The following DISP1 variants were observed in gnomAD, a reference collection of about 807,000 sequenced individuals.
The protein encoded by DISP1 is protein dispatched homolog 1.
A neutral mutation model predicts 37.3 loss-of-function variants in DISP1; 30 were observed. The ratio of observed to expected loss-of-function variants is 0.80; its 90% CI spans 0.60 to 1.09. The LOEUF (loss-of-function observed/expected upper bound fraction) is 1.09, where lower values mean the gene tolerates loss of function less well. DISP1 is among the 50% of genes least tolerant of loss of function. The pLI is 0.00. For synonymous variants in DISP1, 634 were observed against 690.2 expected, an observed-to-expected ratio of 0.92 and a Z score of 1.28; for missense variants, 1,598 against 1,879.5, an observed-to-expected ratio of 0.85 and a Z score of 2.77.
At chr1:222,991,686 A>G in intron 6 of DISP1, 39 bp downstream of exon 6, 1 of 1,587,444 alleles carries the variant, frequency 6.3e-7, no homozygotes, top group Non-Finnish European at 8.6e-7. Context: ...TTTAGACAAA[A>G]CATTGCTGAA....
At chr1:222,981,292 AT>A (rs1677815769) in intron 3 of DISP1, among the ~76,000 whole-genome samples, 1 of 109,280 alleles carries the variant, frequency 9.2e-6, no homozygotes, top group African/African-American at 3.2e-5. Context: ...CAGCTCCACT[AT>A]TAAGATGCTG....
At position 223,002,658 on chromosome 1, in the gene DISP1, T is replaced by C; in HGVS notation, c.1261T>C (p.Tyr421His). ...CAATGTGCCACGCAAATGTACCAAG[T>C]ACAATGCTGTGTACCAGATCCTCCA... The part of the protein sequence containing the change: ...CTNVPRKCTK[Y>H]NAVYQILHYL... Residue 421 changes from tyrosine (Y) to histidine (H), a missense_variant, in exon 9 of 9, where the codon TAC (tyrosine) becomes CAC (histidine). Physicochemically the swap from Tyr to His is moderately conservative, Grantham distance 83. Transcript: ENST00000675850. 4 of 1,614,182 alleles carry C rather than the reference T, an allele frequency of 2.5e-6. No individual in the cohort carries two copies. Among genetic ancestry groups the C allele is most frequent in the Non-Finnish European group, 3.4e-6 (4 of 1,180,052 alleles).
At chr1:222,900,630 C>T (rs1476800269) in intron 1 of DISP1, among the ~76,000 whole-genome samples, 1 of 152,072 alleles carries the variant, frequency 6.6e-6, no homozygotes, top group African/African-American at 2.4e-5. Flanking sequence ...TGTACTTATG[C>T]TTTAAATTAA....
intron 1 of DISP1, among the ~76,000 whole-genome samples, chr1:222,883,704 TGTTA>T (rs1273351346): frequency 6.6e-6 from 1 of 152,208 alleles, no homozygotes; most frequent in Non-Finnish European, 1.5e-5. Context: ...ATAAGCATAT[TGTTA>T]GTTATACACA....
chr1:222,975,371 C>G (rs1377728269), intron 3 of DISP1, among the ~76,000 whole-genome samples: 2 of 152,074 alleles, frequency 1.3e-5, no homozygotes, highest in African/African-American at 4.8e-5. Context: ...GCAGTTATGT[C>G]TAGAATAGAA....
chr1:222,826,132 GA>G (rs1263681078), intron 1 of DISP1, among the ~76,000 whole-genome samples: 1 of 152,074 alleles, frequency 6.6e-6, no homozygotes, highest in African/African-American at 2.4e-5. Context: ...TTGAACTCCT[GA>G]GCTCAAGCTG....
At chr1:222,948,007 A>G (rs78475275) in intron 3 of DISP1, among the ~76,000 whole-genome samples, 2,832 of 152,284 alleles carry the variant, frequency 0.019, 37 homozygotes, top group Non-Finnish European at 0.029. Flanking sequence ...CGGAGGGGCA[A>G]AGGGAGTAAG....
chr1:222,847,443 A>G (rs962496338), intron 1 of DISP1, among the ~76,000 whole-genome samples: 2 of 152,208 alleles, frequency 1.3e-5, no homozygotes, highest in African/African-American at 4.8e-5. Flanking sequence ...GAGAGAGCTT[A>G]TAAGTTGTAT....
At chr1:222,875,696 G>A (rs1400964582) in intron 1 of DISP1, among the ~76,000 whole-genome samples, 2 of 146,202 alleles carry the variant, frequency 1.4e-5, no homozygotes, top group Admixed American at 6.8e-5. Context: ...ATGTGGTGGC[G>A]CATGCCTGTA....
At chr1:222,915,871 G>A (rs960205172) in intron 1 of DISP1, among the ~76,000 whole-genome samples, 5 of 152,100 alleles carry the variant, frequency 3.3e-5, no homozygotes, top group East Asian at 3.8e-4. Context: ...AATTGTGTAC[G>A]CTTACTTTTT....
chr1:222,891,923 A>G (rs1449094119), intron 1 of DISP1, among the ~76,000 whole-genome samples: 2 of 152,112 alleles, frequency 1.3e-5, no homozygotes, highest in African/African-American at 4.8e-5. Flanking sequence ...AGCACATACA[A>G]GTTTTAGAAG....
At chr1:222,929,606 T>A (rs1316510600) in intron 2 of DISP1, among the ~76,000 whole-genome samples, 1 of 152,112 alleles carries the variant, frequency 6.6e-6, no homozygotes, top group African/African-American at 2.4e-5. Flanking sequence ...AAATTACAGT[T>A]CCCTTTGTTG....
chr1:222,973,386 T>C (rs184318308), intron 3 of DISP1, among the ~76,000 whole-genome samples: 2 of 152,334 alleles, frequency 1.3e-5, no homozygotes, highest in Admixed American at 1.3e-4. Flanking sequence ...AAAATATATT[T>C]ACGTATTTTG....
chr1:222,960,374 G>A (rs1243204091), intron 3 of DISP1, among the ~76,000 whole-genome samples: 1 of 152,106 alleles, frequency 6.6e-6, no homozygotes, highest in Non-Finnish European at 1.5e-5. Flanking sequence ...ATTGACTCCT[G>A]GGTAATAATG....
chr1:222,872,587 G>T (rs1012570963), intron 1 of DISP1, among the ~76,000 whole-genome samples: 10 of 152,284 alleles, frequency 6.6e-5, no homozygotes, highest in African/African-American at 1.9e-4. Flanking sequence ...ATTCTGTGAT[G>T]GTAGTTTGTA....
At chr1:222,840,873 TAAAAAA>T (rs1383252389) in intron 1 of DISP1, among the ~76,000 whole-genome samples, 1 of 152,030 alleles carries the variant, frequency 6.6e-6, no homozygotes, top group Non-Finnish European at 1.5e-5. Context: ...GAAGGGTTCT[TAAAAAA>T]ATAAAAATAA....
chr1:222,947,318 T>C (rs991967319), intron 3 of DISP1, among the ~76,000 whole-genome samples: 1 of 152,228 alleles, frequency 6.6e-6, no homozygotes, highest in Non-Finnish European at 1.5e-5. Flanking sequence ...TCAAGGGTCA[T>C]TCATGTTGTA....
rs372682248 is a variant in DISP1, at chr1:223,005,327, C to T, written c.3930C>T (p.Asn1310=). The change falls in exon 9 of 9, where the codon AAC becomes AAT. Residue 1310 remains asparagine, a synonymous_variant. Coordinates refer to ENST00000675850, the MANE Select transcript of DISP1 (RefSeq NM_001377229.1). ...CTAGCAGCTTTGTCCAGATCCAAAA[C>T]GGCGTGGCACCTCTGAAGGCCACAC... is the stretch of plus-strand genomic sequence containing the variant. ...PTTSSFVQIQ[N]GVAPLKATHQ... is the part of the protein sequence containing the mutation. The T allele has an allele frequency of 7.3e-5, 117 of 1,613,470 alleles. No homozygotes were observed. In the Middle Eastern group the frequency reaches 8.2e-4, roughly 11 times the overall value.
chr1:222,872,233 CG>C (rs1357761752), intron 1 of DISP1: 1 of 152,098 alleles, frequency 6.6e-6, no homozygotes, highest in Non-Finnish European at 1.5e-5. Context: ...TCAAGGATAT[CG>C]GTCTAAAATT....
Sources: gnomAD v4.1 joint callset for allele counts (sites outside exome capture counted in the v4.1 genomes callset) on GRCh38, gnomAD v4.1.1 for gene constraint, MANE v1.5 for transcripts, NCBI Gene and HGNC (gene_info 2026-07-23, HGNC 2026-07-21) for gene names.